Variants in ZNF487 observed in about 807,000 individuals in gnomAD.
ZNF487 encodes the protein zinc finger protein 487.
Under a neutral mutation model 3.0 loss-of-function variants are expected in ZNF487, and 4 were observed. The observed-to-expected ratio is 1.35, with a 90% confidence interval of 0.66 to 3.08. The LOEUF (loss-of-function observed/expected upper bound fraction) is 3.08, where lower values mean the gene tolerates loss of function less well. ZNF487 is among the 30% of genes most tolerant of loss of function. The pLI is 0.01. For synonymous variants in ZNF487, 55 were observed against 34.6 expected (o/e 1.59, Z -2.06); for missense variants, 146 against 98.7 (o/e 1.48, Z -2.03).
chr10:43,459,559 G>C (rs1840342933), intron 1 of ZNF487, among the ~76,000 whole-genome samples: 1 of 151,932 alleles, frequency 6.6e-6, no homozygotes, highest in African/African-American at 2.4e-5. Flanking sequence ...TTATCATCCA[G>C]TGGGTATTGA....
the ZNF487 span, among the ~76,000 whole-genome samples, chr10:43,518,339 G>A: frequency 6.6e-6 from 1 of 152,140 alleles, no homozygotes; most frequent in Non-Finnish European, 1.5e-5. Context: ...AAGTTACAAA[G>A]GAGCAAATGG....
At chr10:43,478,563 TA>T (rs199545101) in intron 3 of ZNF487, among the ~76,000 whole-genome samples, 3 of 148,592 alleles carry the variant, frequency 2.0e-5, no homozygotes, top group Admixed American at 6.7e-5. Flanking sequence ...CAAAAATAAA[TA>T]AAAAAAAAAT....
At chr10:43,459,229 CT>C (rs1247574258) in intron 1 of ZNF487, among the ~76,000 whole-genome samples, 1 of 151,490 alleles carries the variant, frequency 6.6e-6, no homozygotes, top group Non-Finnish European at 1.5e-5. Flanking sequence ...CTTTTTCTTT[CT>C]TTCTTTCTTT....
chr10:43,483,308 T>C, downstream of ZNF487: 1 of 359,926 alleles, frequency 2.8e-6, no homozygotes, highest in Non-Finnish European at 5.4e-6. Context: ...TGGCGTGATC[T>C]TGGCTCACCG....
At chr10:43,455,936 CG>C in intron 1 of ZNF487, among the ~76,000 whole-genome samples, 1 of 152,362 alleles carries the variant, frequency 6.6e-6, no homozygotes. Flanking sequence ...AGCTGGACCT[CG>C]GGGTTCACCG....
At chr10:43,447,386 C>A (rs1839852912) in intron 1 of ZNF487, among the ~76,000 whole-genome samples, 1 of 152,086 alleles carries the variant, frequency 6.6e-6, no homozygotes, top group South Asian at 2.1e-4. Context: ...GGATTACAGG[C>A]ATGTGCCACC....
At chr10:43,518,282 C>T in the ZNF487 span, among the ~76,000 whole-genome samples, 3 of 152,142 alleles carry the variant, frequency 2.0e-5, no homozygotes, top group Non-Finnish European at 4.4e-5. Flanking sequence ...AGTTCTACCT[C>T]CCATCTAGGC....
At chr10:43,514,294 C>T in the ZNF487 span, among the ~76,000 whole-genome samples, 3 of 152,096 alleles carry the variant, frequency 2.0e-5, no homozygotes, top group Admixed American at 1.3e-4. Flanking sequence ...GTTTGTGCCA[C>T]CATGCCTGGC....
the ZNF487 span, among the ~76,000 whole-genome samples, chr10:43,509,562 A>C: frequency 6.6e-6 from 1 of 151,834 alleles, no homozygotes; most frequent in East Asian, 1.9e-4. Flanking sequence ...AGCAAGGAGA[A>C]CCAGTCCAAC....
chr10:43,498,731 AG>A, the ZNF487 span, among the ~76,000 whole-genome samples: 1 of 151,864 alleles, frequency 6.6e-6, no homozygotes, highest in Admixed American at 6.6e-5. Context: ...TCACGAGGTC[AG>A]GAGATTGAGA....
At chr10:43,468,660 C>T (rs1166909177) in intron 1 of ZNF487, among the ~76,000 whole-genome samples, 1 of 103,318 alleles carries the variant, frequency 9.7e-6, no homozygotes, top group African/African-American at 3.8e-5. Flanking sequence ...GCCTGGGCAC[C>T]AAGAGTGAAA....
chr10:43,493,882 T>C, the ZNF487 span, among the ~76,000 whole-genome samples: 6 of 150,790 alleles, frequency 4.0e-5, no homozygotes, highest in South Asian at 1.3e-3. Flanking sequence ...AAAGCTAAAA[T>C]AGGCCAGGCG....
At chr10:43,447,747 CTCTT>C (rs1221104557) in intron 1 of ZNF487, among the ~76,000 whole-genome samples, 2 of 152,256 alleles carry the variant, frequency 1.3e-5, no homozygotes, top group East Asian at 1.9e-4. Context: ...CTCCATGCAG[CTCTT>C]TCTTCTCTGG....
chr10:43,462,753 C>CTTT (rs1269088085), intron 1 of ZNF487, among the ~76,000 whole-genome samples: 5 of 146,110 alleles, frequency 3.4e-5, no homozygotes, highest in African/African-American at 1.3e-4. Context: ...TGCATCCGGC[C>CTTT]TTTTTTTTTT....
Position 43,465,074 on chromosome 10 carries a change from C to T in ZNF487, c.-93-10647C>T, listed in dbSNP as rs183915305. On this transcript the variant is annotated intron_variant, in intron 1 of 3. Coordinates refer to ENST00000437590, the MANE Select transcript of ZNF487 (RefSeq NM_001355444.3). ...GACCCCCCCCACCTCCCTCCCGGGG[C>T]GGCTGGCCGGGCGGGGGGCTGACCC... 1.7e-3 allele frequency among the ~76,000 whole-genome samples: 193 copies of T among 116,048 alleles called. 3 individuals are homozygous for T. The highest frequency in any genetic ancestry group is 7.9e-3 in the Middle Eastern group (1 of 126). The allele number at this position is 116,048 out of a possible 152,430, so 76.1% of individuals were successfully genotyped here.
chr10:43,519,031 T>G, the ZNF487 span, among the ~76,000 whole-genome samples: 2 of 152,316 alleles, frequency 1.3e-5, no homozygotes, highest in Middle Eastern at 3.4e-3. Flanking sequence ...TTTAATTCAT[T>G]AGGTCTACTA....
At chr10:43,449,437 T>G (rs1839930545) in intron 1 of ZNF487, among the ~76,000 whole-genome samples, 1 of 152,210 alleles carries the variant, frequency 6.6e-6, no homozygotes, top group South Asian at 2.1e-4. Context: ...ATATTATTAT[T>G]CAAGTCAACT....
the ZNF487 span, among the ~76,000 whole-genome samples, chr10:43,494,504 C>G: frequency 6.6e-6 from 1 of 152,006 alleles, no homozygotes; most frequent in Non-Finnish European, 1.5e-5. Flanking sequence ...AAGCTCTTCT[C>G]CACTCTTCTT....
chr10:43,443,416 C>T (rs1342410052), intron 1 of ZNF487, among the ~76,000 whole-genome samples: 2 of 150,634 alleles, frequency 1.3e-5, no homozygotes, highest in Non-Finnish European at 2.9e-5. Flanking sequence ...CTCTGTCACC[C>T]AGGCTGGAGT....
Sources: allele counts gnomAD v4.1 joint callset (sites outside exome capture counted in the v4.1 genomes callset), GRCh38; gene constraint gnomAD v4.1.1; transcripts MANE v1.5; gene names NCBI Gene and HGNC (gene_info 2026-07-23, HGNC 2026-07-21).